ELP4: variants seen among roughly 807,000 people sequenced by gnomAD.
The protein encoded by ELP4 is elongator complex protein 4.
A neutral mutation model predicts 48.9 loss-of-function variants in ELP4; 51 were observed. The ratio of observed to expected loss-of-function variants is 1.04; its 90% CI spans 0.83 to 1.32. The LOEUF (loss-of-function observed/expected upper bound fraction) is 1.32. Among genes scored for constraint, ELP4 ranks in the 40% most tolerant of loss-of-function variants. The pLI is 0.00. For missense variants in ELP4, 519 were observed against 514.6 expected, an observed-to-expected ratio of 1.01 and a Z score of -0.08; for synonymous variants, 210 against 189.2, an observed-to-expected ratio of 1.11 and a Z score of -0.90.
At chr11:31,515,581 T>A (rs1486648499) in intron 1 of ELP4, among the ~76,000 whole-genome samples, 1 of 152,148 alleles carries the variant, frequency 6.6e-6, no homozygotes, top group African/African-American at 2.4e-5. Flanking sequence ...GGGAGGACCC[T>A]TGAGCCTGGG....
At chr11:31,776,434 T>TTC (rs1948249992) in intron 9 of ELP4, among the ~76,000 whole-genome samples, 1 of 152,228 alleles carries the variant, frequency 6.6e-6, no homozygotes, top group Non-Finnish European at 1.5e-5. Flanking sequence ...CAAGGGAAGC[T>TTC]AGGAACTGTG....
Position 31,639,404 on chromosome 11 carries a change from G to C in ELP4, c.927+6999G>C, listed in dbSNP as rs563065970. Among the ~76,000 whole-genome samples, 33 of 151,912 alleles carry C rather than the reference G, an allele frequency of 2.2e-4. 1 individual carries two copies. In the South Asian group the frequency reaches 6.2e-3, roughly 29 times the overall value. On this transcript the variant is annotated intron_variant, in intron 7 of 9. Coordinates refer to ENST00000640961, the MANE Select transcript of ELP4 (RefSeq NM_019040.5). ...CTGTTTTTCTTTAAAATAACAAATA[G>C]TCTGTGTTTCAGTCCTTCTACCATA... is the stretch of plus-strand genomic sequence containing the variant.
intron 3 of ELP4, among the ~76,000 whole-genome samples, chr11:31,550,331 A>T (rs1262304137): frequency 6.6e-6 from 1 of 152,116 alleles, no homozygotes; most frequent in Non-Finnish European, 1.5e-5. Flanking sequence ...CATGATGGAT[A>T]TATTTTTTGT....
chr11:31,613,559 T>C (rs1490950604), intron 5 of ELP4, among the ~76,000 whole-genome samples: 1 of 152,138 alleles, frequency 6.6e-6, no homozygotes, highest in Non-Finnish European at 1.5e-5. Context: ...ATCGTTTTTC[T>C]CAGTAAGAAA....
intron 5 of ELP4, among the ~76,000 whole-genome samples, chr11:31,622,652 T>C (rs1278659893): frequency 6.6e-6 from 1 of 151,694 alleles, no homozygotes; most frequent in Non-Finnish European, 1.5e-5. Context: ...AATTATCTGA[T>C]GCAAATGTGC....
At chr11:31,678,016 C>T (rs1021270291) in intron 9 of ELP4, among the ~76,000 whole-genome samples, 3 of 151,940 alleles carry the variant, frequency 2.0e-5, no homozygotes, top group African/African-American at 4.8e-5. Flanking sequence ...TCTTTCTCTC[C>T]CCCTTCTTTC....
intron 9 of ELP4, among the ~76,000 whole-genome samples, chr11:31,675,880 C>T (rs1288229663): frequency 6.6e-6 from 1 of 152,052 alleles, no homozygotes; most frequent in Non-Finnish European, 1.5e-5. Context: ...TTTTTACCAC[C>T]TCCAATGCTA....
chr11:31,607,332 A>C (rs1426373131), intron 5 of ELP4, among the ~76,000 whole-genome samples: 1 of 152,154 alleles, frequency 6.6e-6, no homozygotes, highest in African/African-American at 2.4e-5. Context: ...TAAATATTGA[A>C]CTTTCTATCC....
At chr11:31,763,936 G>C (rs892229967) in intron 9 of ELP4, among the ~76,000 whole-genome samples, 1 of 151,854 alleles carries the variant, frequency 6.6e-6, no homozygotes, top group African/African-American at 2.4e-5. Context: ...ATTTTCATAA[G>C]TCATGGCTAT....
intron 9 of ELP4, chr11:31,767,084 A>T (rs1948056539): frequency 6.6e-6 from 1 of 152,226 alleles, no homozygotes; most frequent in Admixed American, 6.5e-5. Context: ...TCTAAAGGAA[A>T]TTCAAAAATA....
intron 2 of ELP4, among the ~76,000 whole-genome samples, chr11:31,535,733 A>C (rs1385204606): frequency 6.6e-6 from 1 of 152,198 alleles, no homozygotes. Context: ...CTGTCACCAT[A>C]AAGTGTTTCC....
intron 9 of ELP4, among the ~76,000 whole-genome samples, chr11:31,716,064 A>G (rs1347574646): frequency 2.6e-5 from 4 of 152,148 alleles, no homozygotes; most frequent in African/African-American, 9.7e-5. Context: ...CCCAGGCTAG[A>G]GTGCAGTGGC....
At chr11:31,694,128 T>C (rs1225079201) in intron 9 of ELP4, among the ~76,000 whole-genome samples, 1 of 152,220 alleles carries the variant, frequency 6.6e-6, no homozygotes, top group Non-Finnish European at 1.5e-5. Flanking sequence ...TTCACTCTGA[T>C]GGTAGTTTCT....
At chr11:31,510,634 C>G (rs1955974879) in intron 1 of ELP4, 1 of 359,508 alleles carries the variant, frequency 2.8e-6, no homozygotes, top group Non-Finnish European at 4.9e-6. Flanking sequence ...TTTATTTTTT[C>G]TATATACATT....
chr11:31,764,945 A>T (rs1197786059), intron 9 of ELP4, among the ~76,000 whole-genome samples: 1 of 152,180 alleles, frequency 6.6e-6, no homozygotes, highest in Non-Finnish European at 1.5e-5. Flanking sequence ...CCTTTAAATC[A>T]AAAGGACCGC....
At chr11:31,511,705 A>G (rs1164053454) in intron 1 of ELP4, 1 of 152,148 alleles carries the variant, frequency 6.6e-6, no homozygotes, top group Non-Finnish European at 1.5e-5. Context: ...AGGGGTTTTG[A>G]CCATTTATTG....
intron 9 of ELP4, among the ~76,000 whole-genome samples, chr11:31,752,242 T>G (rs1271142760): frequency 1.3e-5 from 2 of 151,988 alleles, no homozygotes; most frequent in Non-Finnish European, 2.9e-5. Flanking sequence ...AATGTAGAAA[T>G]GTACTTGATA....
At chr11:31,559,730 C>T (rs1174779574) in intron 3 of ELP4, among the ~76,000 whole-genome samples, 1 of 151,922 alleles carries the variant, frequency 6.6e-6, no homozygotes, top group African/African-American at 2.4e-5. Context: ...ATGGAGAAAC[C>T]TCATCTCTAC....
intron 3 of ELP4, among the ~76,000 whole-genome samples, chr11:31,579,700 C>T (rs1957353949): frequency 1.3e-5 from 2 of 149,580 alleles, no homozygotes. Flanking sequence ...AAACCAAACA[C>T]CACAGGTTCT....
Sources: allele counts gnomAD v4.1 joint callset (sites outside exome capture counted in the v4.1 genomes callset), GRCh38; gene constraint gnomAD v4.1.1; transcripts MANE v1.5; gene names NCBI Gene and HGNC (gene_info 2026-07-23, HGNC 2026-07-21).